VPS13B: variants seen among roughly 807,000 people sequenced by gnomAD.
VPS13B encodes intermembrane lipid transfer protein VPS13B.
VPS13B carries 285 observed loss-of-function variants against 426.4 expected under a neutral mutation model. The observed-to-expected ratio is 0.67, with a 90% CI of 0.61 to 0.74. The LOEUF (loss-of-function observed/expected upper bound fraction) is 0.74. Among genes scored for constraint, VPS13B ranks in the 30% least tolerant of loss-of-function variants. The pLI, the probability that VPS13B is intolerant of heterozygous loss-of-function variation, is 0.00. For synonymous variants in VPS13B, 1,676 were observed against 1,676.4 expected, an observed-to-expected ratio of 1.00 and a Z score of 0.01; for missense variants, 4,537 against 4,782.6, an observed-to-expected ratio of 0.95 and a Z score of 1.51.
chr8:99,780,552 G>GT (rs894165912), intron 42 of VPS13B, among the ~76,000 whole-genome samples: 3 of 152,180 alleles, frequency 2.0e-5, no homozygotes, highest in African/African-American at 7.2e-5. Flanking sequence ...AATATTCTGA[G>GT]TTTTTTTAAT....
At chr8:99,442,713 C>A in intron 23 of VPS13B, 78 bp downstream of exon 23, 2 of 1,400,256 alleles carry the variant, frequency 1.4e-6, no homozygotes, top group Non-Finnish European at 2.0e-6. Context: ...TTAAATGTGT[C>A]AGTGTATAAG....
In VPS13B at chr8:99,507,251, G is replaced by C. The variant is rs1018531529; in HGVS notation, c.4224+48G>C. 4 of 1,569,522 alleles carry C rather than the reference G, an allele frequency of 2.5e-6. No individual in the cohort carries two copies. In the South Asian group the frequency reaches 4.4e-5, roughly 17 times the overall value. On this transcript the variant is annotated intron_variant, in intron 28 of 61. Transcript: ENST00000357162. ...GATTTTTGAAAATGTACTTTAAACT[G>C]TTTATCTTGTTATTTCATAAAATAG...
rs745652006 is a variant in VPS13B at position 99,868,300 on chromosome 8, G to A, written c.11227G>A (p.Gly3743Ser). 1.2e-6 allele frequency: 2 copies of A among 1,614,126 alleles called. No homozygotes were observed. Among genetic ancestry groups the A allele is most frequent in the South Asian group, 2.2e-5 (2 of 91,072 alleles). ...LGISLLGAIA[G>S]IVDQPMQNFQ... Reference sequence around the variant, plus strand: ...TTTTGTTATTCCAGGTGCAATTGCTGGTATAGTTGATCAGCCGATGCAGAA... The same window carrying A: ...TTTTGTTATTCCAGGTGCAATTGCTAGTATAGTTGATCAGCCGATGCAGAA... Residue 3743 changes from glycine (G) to serine (S), a missense_variant, in exon 59 of 62, where the codon GGT becomes AGT. Transcript: ENST00000357162.
At chr8:99,259,183 A>G (rs991445467) in intron 17 of VPS13B, among the ~76,000 whole-genome samples, 3 of 152,092 alleles carry the variant, frequency 2.0e-5, no homozygotes, top group Admixed American at 1.3e-4. Flanking sequence ...AATAAATTTC[A>G]GGGCTCATGA....
chr8:99,736,879 A>C (rs570962762), intron 39 of VPS13B, among the ~76,000 whole-genome samples: 3 of 152,062 alleles, frequency 2.0e-5, no homozygotes, highest in Non-Finnish European at 4.4e-5. Flanking sequence ...TTTTATAAAA[A>C]CTGTTACCAT....
chr8:99,024,199 G>A (rs765090745), intron 2 of VPS13B, among the ~76,000 whole-genome samples: 8 of 152,022 alleles, frequency 5.3e-5, no homozygotes, highest in Non-Finnish European at 5.9e-5. Context: ...TTTATGTGTC[G>A]CCTTTTGAGA....
At chr8:99,529,139 TA>T (rs1287197818) in intron 30 of VPS13B, among the ~76,000 whole-genome samples, 7 of 152,156 alleles carry the variant, frequency 4.6e-5, no homozygotes, top group Non-Finnish European at 8.8e-5. Flanking sequence ...TGTTTATTTT[TA>T]AAAAATCAAC....
At chr8:99,540,173 G>T (rs1393892675) in intron 30 of VPS13B, among the ~76,000 whole-genome samples, 1 of 139,930 alleles carries the variant, frequency 7.1e-6, no homozygotes, top group Non-Finnish European at 1.5e-5. Flanking sequence ...TCCGCCTCCT[G>T]GGTTCACACC....
chr8:99,278,365 T>C (rs1347950780), intron 19 of VPS13B, among the ~76,000 whole-genome samples: 1 of 152,196 alleles, frequency 6.6e-6, no homozygotes, highest in African/African-American at 2.4e-5. Flanking sequence ...TAATGGGGAT[T>C]TGGAATTATG....
chr8:99,768,082 C>T (rs1194059509), intron 40 of VPS13B, among the ~76,000 whole-genome samples: 1 of 152,172 alleles, frequency 6.6e-6, no homozygotes, highest in Non-Finnish European at 1.5e-5. Flanking sequence ...TTTGCTCATG[C>T]CCCCATAAAA....
intron 35 of VPS13B, chr8:99,696,039 C>T (rs1831980683): frequency 6.5e-6 from 1 of 153,422 alleles, no homozygotes; most frequent in Admixed American, 6.5e-5. Context: ...CCGGTCCACC[C>T]CGTGTACCCT....
At position 99,102,941 on chromosome 8, in the gene VPS13B, TC is replaced by T. The variant is rs1323106447; in HGVS notation, c.413-11del. The T allele has an allele frequency of 2.5e-6, 4 of 1,593,062 alleles. No homozygotes were observed. In the African/African-American group the frequency reaches 5.4e-5, roughly 21 times the overall value. ...TTTGTGGCTAATTAAATTCTTTTTTTCTATTTTATAGGTTATGTGCAGAGTC... is the reference window on the plus strand; with the variant it reads ...TTTGTGGCTAATTAAATTCTTTTTTTTATTTTATAGGTTATGTGCAGAGTC... On this transcript the variant is annotated splice_polypyrimidine_tract_variant and intron_variant, in intron 4 of 61. Coordinates refer to ENST00000357162, the MANE Select transcript of VPS13B (RefSeq NM_152564.5).
intron 8 of VPS13B, among the ~76,000 whole-genome samples, chr8:99,122,543 T>C (rs1307766566): frequency 2.0e-5 from 3 of 152,184 alleles, no homozygotes; most frequent in Non-Finnish European, 4.4e-5. Context: ...TTTGATCATA[T>C]TTTACCTTCT....
chr8:99,098,811 ACATTTTATTGCTAATTGGGATTTC>A (rs1846571749), intron 4 of VPS13B, among the ~76,000 whole-genome samples: 1 of 152,156 alleles, frequency 6.6e-6, no homozygotes, highest in Admixed American at 6.5e-5. Flanking sequence ...ATGCTATCAT[ACATTTTATTGCTAATTGGGATTTC>A]CATCTTTACC....
intron 3 of VPS13B, among the ~76,000 whole-genome samples, chr8:99,068,970 CTTATT>C (rs1051300008): frequency 1.3e-5 from 2 of 151,970 alleles, no homozygotes; most frequent in African/African-American, 4.8e-5. Flanking sequence ...TTTGCCTACT[CTTATT>C]TTAAAGTATA....
rs2132728546 is a variant in VPS13B at position 99,193,041 on chromosome 8, A to G, written c.2499A>G (p.Glu833=). ...SSAVIEALIN[E]IFLSIGVKSK... is the part of the protein sequence containing the mutation. ...CAGTGATTGAAGCTTTGATAAATGA[A>G]ATCTTCCTAAGTATAGGTAAGAGCA... The change falls in exon 17 of 62, where the codon GAA becomes GAG. Residue 833 remains glutamate, a synonymous_variant. Transcript: ENST00000357162. 6.2e-7 allele frequency: 1 copy of G among 1,613,590 alleles called. No individual in the cohort carries two copies. The highest frequency in any genetic ancestry group is 8.5e-7 in the Non-Finnish European group (1 of 1,179,782).
chr8:99,314,460 C>T (rs1821195512), intron 19 of VPS13B, among the ~76,000 whole-genome samples: 2 of 152,130 alleles, frequency 1.3e-5, no homozygotes, highest in African/African-American at 4.8e-5. Flanking sequence ...CAGCTTAAAT[C>T]TGGTTATTTC....
At chr8:99,205,490 A>G (rs1814650817) in intron 17 of VPS13B, among the ~76,000 whole-genome samples, 1 of 152,302 alleles carries the variant, frequency 6.6e-6, no homozygotes, top group East Asian at 1.9e-4. Context: ...GTATCCCAGA[A>G]CTTAAAGTAT....
intron 22 of VPS13B, among the ~76,000 whole-genome samples, chr8:99,441,342 G>A (rs1376379784): frequency 3.3e-5 from 5 of 152,136 alleles, no homozygotes; most frequent in Non-Finnish European, 2.9e-5. Flanking sequence ...TTAGGCCCAA[G>A]AGAAGAGATG....
Sources: allele counts gnomAD v4.1 joint callset (sites outside exome capture counted in the v4.1 genomes callset), GRCh38; gene constraint gnomAD v4.1.1; transcripts MANE v1.5; gene names NCBI Gene and HGNC (gene_info 2026-07-23, HGNC 2026-07-21).